SP100: variants seen among roughly 807,000 people sequenced by gnomAD.
SP100 encodes SP100 nuclear body protein, also known as nuclear autoantigen Sp-100.
Under a neutral mutation model 130.0 loss-of-function variants are expected in SP100, and 84 were observed. The ratio of observed to expected loss-of-function variants is 0.65; its 90% confidence interval spans 0.54 to 0.77. The LOEUF (loss-of-function observed/expected upper bound fraction) is 0.77. SP100 is among the 30% of genes least tolerant of loss of function. SP100 has a pLI of 0.00. For missense variants in SP100, 978 were observed against 1,052.2 expected (o/e 0.93, Z 0.97); for synonymous variants, 331 against 351.7 (o/e 0.94, Z 0.66).
intron 18 of SP100, among the ~76,000 whole-genome samples, chr2:230,498,044 G>A (rs1262274626): frequency 6.6e-6 from 1 of 152,168 alleles, no homozygotes; most frequent in Non-Finnish European, 1.5e-5. Flanking sequence ...TCTGTATGCT[G>A]AAGTTTCTTC....
At chr2:230,432,883 T>TTG (rs2063140373) in intron 2 of SP100, among the ~76,000 whole-genome samples, 1 of 152,190 alleles carries the variant, frequency 6.6e-6, no homozygotes, top group Non-Finnish European at 1.5e-5. Flanking sequence ...GATTATACTT[T>TTG]TGTGGTAGCT....
chr2:230,464,875 T>A (rs1038846794), intron 11 of SP100, among the ~76,000 whole-genome samples: 3 of 152,060 alleles, frequency 2.0e-5, no homozygotes, highest in Non-Finnish European at 2.9e-5. Context: ...GGTAGGTGGC[T>A]TGAGCTCAGG....
chr2:230,440,642 A>T, intron 2 of SP100: 1 of 1,257,726 alleles, frequency 8.0e-7, no homozygotes. Flanking sequence ...TGTAGCTTCA[A>T]TTCAAATCCA....
rs906376634 is a variant in SP100, at chr2:230,462,276, G to T, written c.974-159G>T. 4.6e-5 allele frequency among the ~76,000 whole-genome samples: 7 copies of T among 152,310 alleles called. No individual in the cohort carries two copies. The South Asian group carries it at 1.5e-3, about 32-fold the overall frequency. On this transcript the variant is annotated intron_variant, in intron 9 of 28. Transcript: ENST00000340126. ...TTTATCAGCTTTTGGTTAAGAACTT[G>T]GAACAAACTGCAGGTGGCATGCATT...
chr2:230,521,875 A>T (rs1274557083), intron 24 of SP100, among the ~76,000 whole-genome samples: 3 of 152,202 alleles, frequency 2.0e-5, no homozygotes, highest in Admixed American at 2.0e-4. Flanking sequence ...CCACATCTGC[A>T]TCTGGATAGA....
In SP100 at chr2:230,461,286, A is replaced by G; in HGVS notation, c.845A>G (p.His282Arg). Residue 282 changes from histidine to arginine, a missense_variant, in exon 9 of 29, where the codon CAT becomes CGT. His to Arg is a conservative substitution (Grantham distance 29, BLOSUM62 0). Transcript: ENST00000340126. ...EESPEAELHN[H>R]GIQINSCSVR... ...GGCCCAGAGGCAGAGCTACACAACC[A>G]TGGAATCCAAATTAATTCCTGTTCT... 1 of 1,614,160 alleles carries G rather than the reference A, an allele frequency of 6.2e-7. No homozygotes were observed.
intron 17 of SP100, 21 bp downstream of exon 17, chr2:230,474,468 A>T: frequency 8.7e-7 from 1 of 1,147,430 alleles, no homozygotes; most frequent in Non-Finnish European, 1.3e-6. Flanking sequence ...ATAAGAATTT[A>T]CTTAATTTTT....
chr2:230,462,977 A>G (rs1006808460), intron 10 of SP100, among the ~76,000 whole-genome samples: 6 of 152,252 alleles, frequency 3.9e-5, no homozygotes, highest in African/African-American at 1.4e-4. Context: ...GGTGTTGGCA[A>G]AAACAAACAC....
In SP100 at chr2:230,464,132, C is replaced by G. The variant is rs1335638714; in HGVS notation, c.1123C>G (p.Arg375Gly). 1 of 1,609,318 alleles carries G rather than the reference C, an allele frequency of 6.2e-7. No individual in the cohort carries two copies. Residue 375 changes from arginine to glycine, a missense_variant, in exon 11 of 29, where the codon CGA becomes GGA. Coordinates refer to ENST00000340126, the MANE Select transcript of SP100 (RefSeq NM_001080391.2). Reference protein sequence around the residue: ...EKEGQEATCSRPQIVPEPMDF... With the variant: ...EKEGQEATCSGPQIVPEPMDF... ...GGAGGGCCAAGAAGCCACTTGCTCA[C>G]GACCCCAGATTGTACCAGGTAAGAA...
In SP100 at chr2:230,470,071, T is replaced by C. The variant is rs2065191897; in HGVS notation, c.1402T>C (p.Cys468Arg). 6.2e-7 allele frequency: 1 copy of C among 1,611,538 alleles called. No individual in the cohort carries two copies. The highest frequency in any genetic ancestry group is 8.5e-7 in the Non-Finnish European group (1 of 1,178,652). Residue 468 changes from cysteine (C) to arginine (R), a missense_variant, in exon 15 of 29, where the codon TGC becomes CGC. Transcript: ENST00000340126. ...TAATGGAGAAGAGCTTCAGGAAACC[T>C]GCAGCTCATCCCTAAGAAGAGGGTC... ...LSNGEELQETCSSSLRRGSGS... is the reference protein window; with the variant it reads ...LSNGEELQETRSSSLRRGSGS...
rs767968160 is a variant in SP100, at chr2:230,461,422, T to G, written c.973+8T>G. 6.2e-7 allele frequency: 1 copy of G among 1,613,872 alleles called. No individual in the cohort carries two copies. Among genetic ancestry groups the G allele is most frequent in the East Asian group, 2.2e-5 (1 of 44,888 alleles). ...AGGCATCTGACATAATAGGTAAGGC[T>G]GACTGGGAGAGTTTGTAACTGTGAG... On this transcript the variant is annotated splice_region_variant and intron_variant, in intron 9 of 28. Coordinates refer to ENST00000340126, the MANE Select transcript of SP100 (RefSeq NM_001080391.2).
intron 2 of SP100, among the ~76,000 whole-genome samples, chr2:230,427,954 G>A (rs2062984980): frequency 6.6e-6 from 1 of 152,168 alleles, no homozygotes; most frequent in African/African-American, 2.4e-5. Flanking sequence ...CCTGAGGCCA[G>A]CTGCAGTGGC....
rs758565031 is a variant in SP100 at position 230,474,400 on chromosome 2, T to C, written c.1553T>C (p.Met518Thr). ...SSQASDMMDT[M>T]DVENNSTLEK... The stretch of plus-strand genomic sequence containing the variant: ...ACTACCTGTCACTTTCTAGATACCA[T>C]GGATGTTGAAAACAATTCTACTTTG... Residue 518 changes from methionine to threonine, a missense_variant, in exon 17 of 29, where the codon ATG (methionine) becomes ACG (threonine). By Grantham distance (81) the Met-to-Thr change is moderately conservative (BLOSUM62 -1). Transcript: ENST00000340126. The C allele has an allele frequency of 1.6e-5, 25 of 1,529,930 alleles. No homozygotes were observed. The highest frequency in any genetic ancestry group is 9.3e-5 in the South Asian group (8 of 86,430). The allele number at this position is 1,529,930 out of a possible 1,614,324, so 94.8% of individuals were successfully genotyped here. A position where few individuals can be genotyped will look rare whatever the true frequency, so the allele number is the denominator to read the frequency against.
At chr2:230,423,873 A>G (rs1208657320) in intron 2 of SP100, among the ~76,000 whole-genome samples, 1 of 152,216 alleles carries the variant, frequency 6.6e-6, no homozygotes, top group Non-Finnish European at 1.5e-5. Context: ...TGTGGTTAGA[A>G]AATGTGTTCC....
intron 8 of SP100, among the ~76,000 whole-genome samples, chr2:230,458,147 A>G (rs1225362192): frequency 6.6e-6 from 1 of 152,260 alleles, no homozygotes; most frequent in Non-Finnish European, 1.5e-5. Context: ...AAACATTTGC[A>G]CATAACTTTT....
At chr2:230,482,697 CAT>C (rs71052513) in intron 17 of SP100, among the ~76,000 whole-genome samples, 4 of 149,974 alleles carry the variant, frequency 2.7e-5, no homozygotes, top group South Asian at 2.1e-4. Flanking sequence ...CTGCCATTTA[CAT>C]ATATATATAT....
chr2:230,508,573 C>T (rs1690314285), intron 23 of SP100: 1 of 152,062 alleles, frequency 6.6e-6, no homozygotes, highest in Non-Finnish European at 1.5e-5. Context: ...CCGCCTCAGC[C>T]TCCCAAAAGG....
intron 2 of SP100, among the ~76,000 whole-genome samples, chr2:230,419,173 C>T (rs2062699848): frequency 6.6e-6 from 1 of 152,152 alleles, no homozygotes; most frequent in African/African-American, 2.4e-5. Context: ...GTAGTCCTCC[C>T]TTATCAACAG....
At chr2:230,454,617 C>T (rs1226980468) in intron 8 of SP100, among the ~76,000 whole-genome samples, 1 of 152,080 alleles carries the variant, frequency 6.6e-6, no homozygotes, top group African/African-American at 2.4e-5. Flanking sequence ...TTATTGATTT[C>T]TAATTTCATA....
Sources: allele counts gnomAD v4.1 joint callset (sites outside exome capture counted in the v4.1 genomes callset), GRCh38; gene constraint gnomAD v4.1.1; transcripts MANE v1.5; gene names NCBI Gene and HGNC (gene_info 2026-07-23, HGNC 2026-07-21).